Variants in CHGB observed in about 807,000 individuals in gnomAD.
CHGB encodes the protein chromogranin B.
CHGB carries 46 observed loss-of-function variants against 69.9 expected under a neutral mutation model. That is an observed-to-expected ratio of 0.66 (90% CI 0.52 to 0.84). The LOEUF is 0.84. Among genes scored for constraint, CHGB ranks in the 40% least tolerant of loss-of-function variants. CHGB has a pLI of 0.00. For synonymous variants in CHGB, 312 were observed against 298.2 expected, an observed-to-expected ratio of 1.05 and a Z score of -0.48; for missense variants, 796 against 822.2, an observed-to-expected ratio of 0.97 and a Z score of 0.39.
intron 1 of CHGB, among the ~76,000 whole-genome samples, chr20:5,914,170 T>G (rs2088462706): frequency 6.6e-6 from 1 of 152,242 alleles, no homozygotes; most frequent in Non-Finnish European, 1.5e-5. Flanking sequence ...TTGTGCCACC[T>G]GAATCTTACT....
In CHGB at chr20:5,916,342, A is replaced by C. The variant is rs755118217; in HGVS notation, c.66A>C (p.Pro22=). ...AVGLAAVNSM[P]VDNRNHNEGM... is the part of the protein sequence containing the mutation. The stretch of plus-strand genomic sequence containing the variant: ...CCTTCAAAGCTGTCAATTCCATGCC[A>C]GTGGATAACAGGAACCACAATGAAG... Residue 22 remains proline (P), a synonymous_variant, in exon 2 of 5, where the codon CCA becomes CCC. Coordinates refer to ENST00000378961, the MANE Select transcript of CHGB (RefSeq NM_001819.3). The C allele has an allele frequency of 6.2e-7, 1 of 1,613,772 alleles. No individual in the cohort carries two copies. Among genetic ancestry groups the C allele is most frequent in the Non-Finnish European group, 8.5e-7 (1 of 1,179,766 alleles).
intron 3 of CHGB, chr20:5,917,537 G>C (rs893736805): frequency 6.5e-6 from 1 of 153,880 alleles, no homozygotes; most frequent in African/African-American, 2.4e-5. Flanking sequence ...AGAACTGGAA[G>C]GGTTTCAGGT....
chr20:5,915,044 C>T (rs2088467564), intron 1 of CHGB, among the ~76,000 whole-genome samples: 1 of 152,196 alleles, frequency 6.6e-6, no homozygotes, highest in Admixed American at 6.5e-5. Context: ...CCAGCTAGCT[C>T]TACTCTCTTC....
At chr20:5,914,869 AAAGT>A (rs2088466579) in intron 1 of CHGB, among the ~76,000 whole-genome samples, 1 of 152,188 alleles carries the variant, frequency 6.6e-6, no homozygotes, top group African/African-American at 2.4e-5. Flanking sequence ...AAAATTTGGT[AAAGT>A]AAGTAAATGA....
chr20:5,921,192 T>C (rs962827322), intron 3 of CHGB, among the ~76,000 whole-genome samples: 1 of 152,240 alleles, frequency 6.6e-6, no homozygotes, highest in African/African-American at 2.4e-5. Context: ...AAAATATTAT[T>C]TCAACATATA....
chr20:5,920,630 C>T (rs941850753), intron 3 of CHGB, among the ~76,000 whole-genome samples: 2 of 152,212 alleles, frequency 1.3e-5, no homozygotes, highest in African/African-American at 4.8e-5. Context: ...AGGCCCCCAC[C>T]TCCACGTGCT....
At position 5,923,419 on chromosome 20, in the gene CHGB, G is replaced by A. The variant is rs367665937; in HGVS notation, c.1275G>A (p.Glu425=). Reference sequence around the variant, plus strand: ...GCCATCACAGAGGCAGGGGAGGGGAGCCACGTGCCTATTTCATGTCTGACA... The same window carrying A: ...GCCATCACAGAGGCAGGGGAGGGGAACCACGTGCCTATTTCATGTCTGACA... The part of the protein sequence containing the change: ...KGRHHRGRGG[E]PRAYFMSDTR... Residue 425 remains glutamate, a synonymous_variant, in exon 4 of 5, where the codon GAG becomes GAA. Coordinates refer to ENST00000378961, the MANE Select transcript of CHGB (RefSeq NM_001819.3). 3.1e-6 allele frequency: 5 copies of A among 1,613,966 alleles called. No homozygotes were observed. In the African/African-American group the frequency reaches 6.7e-5, roughly 22 times the overall value.
chr20:5,921,115 CA>C, intron 3 of CHGB, among the ~76,000 whole-genome samples: 1 of 151,836 alleles, frequency 6.6e-6, no homozygotes, highest in Non-Finnish European at 1.5e-5. Context: ...TATTTTTATC[CA>C]ATTTTTTTCT....
chr20:5,916,702 G>A (rs775852868), intron 2 of CHGB, 124 bp from the exon 3 acceptor site: 12 of 843,194 alleles, frequency 1.4e-5, no homozygotes, highest in South Asian at 2.9e-5. Context: ...CTGTATCTCC[G>A]CCCTAAGAAT....
In CHGB at chr20:5,924,180, C is replaced by T. The variant is rs150908226; in HGVS notation, c.1956+80C>T. ...TATGTTCAAGACTATCCGATATTCACGGGGAGAAATTGGTGGGAATTAATC... is the reference window on the plus strand; with the variant it reads ...TATGTTCAAGACTATCCGATATTCATGGGGAGAAATTGGTGGGAATTAATC... On this transcript the variant is annotated intron_variant, in intron 4 of 4. Transcript: ENST00000378961. 376 of 1,447,404 alleles carry T rather than the reference C, an allele frequency of 2.6e-4. No individual in the cohort carries two copies. In the African/African-American group the frequency reaches 4.2e-3, roughly 16 times the overall value. The allele number at this position is 1,447,404 out of a possible 1,614,324, so 89.7% of individuals were successfully genotyped here.
intron 2 of CHGB, 24 bp from the exon 3 acceptor site, chr20:5,916,802 A>G (rs1318575199): frequency 5.0e-6 from 8 of 1,612,590 alleles, no homozygotes; most frequent in Middle Eastern, 1.6e-4. Flanking sequence ...AGCTTCTCCA[A>G]CCTGCTTTCG....
Position 5,923,493 on chromosome 20 carries a change from A to G in CHGB, c.1349A>G (p.Glu450Gly). 6.2e-7 allele frequency: 1 copy of G among 1,614,210 alleles called. No homozygotes were observed. The highest frequency in any genetic ancestry group is 1.7e-5 in the Admixed American group (1 of 60,034). ...GGTGAAGGACACCACCGTGTCCAAG[A>G]AAACCAGATGGACAAGGCAAGGAGG... is the stretch of plus-strand genomic sequence containing the variant. ...FLGEGHHRVQ[E>G]NQMDKARRHP... The change falls in exon 4 of 5, where the codon GAA (glutamate) becomes GGA (glycine). Residue 450 changes from glutamate to glycine, a missense_variant. Around this residue, in one of 3 missense-constraint regions of CHGB, gnomAD observed 274 missense variants for 298.9 expected, o/e 0.92. Coordinates refer to ENST00000378961, the MANE Select transcript of CHGB (RefSeq NM_001819.3).
chr20:5,918,289 G>A (rs2088490865), intron 3 of CHGB, among the ~76,000 whole-genome samples: 2 of 152,050 alleles, frequency 1.3e-5, no homozygotes, highest in South Asian at 2.1e-4. Context: ...GGCTGAGGCA[G>A]GAGAATCGCT....
chr20:5,916,947 T>C (rs1314957284), intron 3 of CHGB, 28 bp downstream of exon 3: 4 of 1,598,152 alleles, frequency 2.5e-6, no homozygotes, highest in Middle Eastern at 3.3e-4. Context: ...CAGGCAGATC[T>C]TGGTCACTGC....
intron 3 of CHGB, among the ~76,000 whole-genome samples, chr20:5,918,345 C>G (rs236147): frequency 0.45 from 68,074 of 151,128 alleles, 15,976 homozygotes; most frequent in East Asian, 0.57. Context: ...TCGTGGCATT[C>G]CACTCCAGCC....
chr20:5,918,866 A>G (rs968254629), intron 3 of CHGB, among the ~76,000 whole-genome samples: 6 of 144,632 alleles, frequency 4.1e-5, no homozygotes, highest in East Asian at 2.1e-4. Flanking sequence ...AATTAATTCA[A>G]TCTTTGGGGG....
chr20:5,916,733 GT>G, intron 2 of CHGB, 92 bp from the exon 3 acceptor site: 2 of 1,130,204 alleles, frequency 1.8e-6, no homozygotes, highest in Admixed American at 3.4e-5. Context: ...CCCAGGTCAC[GT>G]AATCAAGTCT....
intron 3 of CHGB, among the ~76,000 whole-genome samples, chr20:5,918,727 G>A (rs1281620632): frequency 7.2e-6 from 1 of 138,850 alleles, no homozygotes; most frequent in African/African-American, 2.6e-5. Context: ...CAGGAGAATC[G>A]CTTGAGCCCA....
In CHGB at chr20:5,923,667, C is replaced by G; in HGVS notation, c.1523C>G (p.Ser508Cys). 6.2e-7 allele frequency: 1 copy of G among 1,614,024 alleles called. No homozygotes were observed. The highest frequency in any genetic ancestry group is 8.5e-7 in the Non-Finnish European group (1 of 1,180,034). ...EARFQDKQYS[S>C]HHTAEKRKRL... ...AGGTTTCAAGATAAACAATATAGCT[C>G]CCATCACACAGCTGAAAAGAGGAAG... The change falls in exon 4 of 5, where the codon TCC (serine) becomes TGC (cysteine). Residue 508 changes from serine (S) to cysteine (C), a missense_variant. This residue lies in a region of CHGB where 274 missense variants were observed against 298.9 expected (regional missense o/e 0.92). Transcript: ENST00000378961.
Sources: gnomAD v4.1 joint callset for allele counts (sites outside exome capture counted in the v4.1 genomes callset) on GRCh38, gnomAD v4.1.1 for gene constraint, gnomAD v4.1.1 regional missense constraint, MANE v1.5 for transcripts, NCBI Gene and HGNC (gene_info 2026-07-23, HGNC 2026-07-21) for gene names.